RIMS2: variants seen among roughly 807,000 people sequenced by gnomAD.
RIMS2 encodes regulating synaptic membrane exocytosis protein 2.
RIMS2 carries 59 observed loss-of-function variants against 174.4 expected under a neutral mutation model. The observed-to-expected ratio is 0.34, with a 90% CI of 0.27 to 0.42. The LOEUF is 0.42. RIMS2 is among the 10% of genes least tolerant of loss of function. The pLI, the probability that RIMS2 is intolerant of heterozygous loss-of-function variation, is 1.00. For missense variants in RIMS2, 1,620 were observed against 1,666.3 expected (o/e 0.97, Z 0.48); for synonymous variants, 606 against 572.5 (o/e 1.06, Z -0.84).
intron 4 of RIMS2, among the ~76,000 whole-genome samples, chr8:103,900,908 A>T (rs2099324717): frequency 6.6e-6 from 1 of 152,076 alleles, no homozygotes. Context: ...CTGATTATCC[A>T]TAATTTTTGT....
At chr8:103,929,582 AAATG>A (rs1247442239) in intron 11 of RIMS2, among the ~76,000 whole-genome samples, 5 of 151,832 alleles carry the variant, frequency 3.3e-5, no homozygotes, top group African/African-American at 1.2e-4. Context: ...GTCTCAGAAA[AAATG>A]AAGCCATAAA....
At chr8:103,900,127 G>A (rs891891010) in intron 4 of RIMS2, among the ~76,000 whole-genome samples, 11 of 151,692 alleles carry the variant, frequency 7.3e-5, no homozygotes, top group Non-Finnish European at 1.3e-4. Flanking sequence ...CTGTATCCTT[G>A]TAGTATAGTT....
In RIMS2 at chr8:103,634,214, T is replaced by G. The variant is rs2096016881; in HGVS notation, c.177-62872T>G. On this transcript the variant is annotated intron_variant, in intron 1 of 23. Coordinates refer to ENST00000504942, the Ensembl canonical transcript of RIMS2. ...GTTTTGTCCCAAAGACTCTGGTAAG[T>G]TGTATCTTTGTTTTCATTATTTTCA... Among the ~76,000 whole-genome samples the G allele has an allele frequency of 2.0e-5, 3 of 152,244 alleles. No individual in the cohort carries two copies. In the South Asian group the frequency reaches 6.2e-4, roughly 32 times the overall value.
intron 2 of RIMS2, among the ~76,000 whole-genome samples, chr8:103,736,443 T>C (rs896303233): frequency 6.6e-6 from 1 of 152,186 alleles, no homozygotes; most frequent in African/African-American, 2.4e-5. Context: ...TCTGCATGTT[T>C]TGAATCTATT....
intron 15 of RIMS2, among the ~76,000 whole-genome samples, chr8:103,967,851 C>CCTTTTTTT (rs1299977306): frequency 4.6e-5 from 5 of 109,556 alleles, no homozygotes; most frequent in Non-Finnish European, 5.5e-5. Context: ...CCTACTCCTG[C>CCTTTTTTT]TTTTTTTTTT....
intron 4 of RIMS2, among the ~76,000 whole-genome samples, chr8:103,887,897 TTAGG>T (rs2099214914): frequency 6.6e-6 from 1 of 151,600 alleles, no homozygotes; most frequent in African/African-American, 2.4e-5. Flanking sequence ...ATGTTCCTAA[TTAGG>T]AAGGCTAAGT....
intron 17 of RIMS2, among the ~76,000 whole-genome samples, chr8:104,011,456 G>GT (rs1358162100): frequency 2.0e-5 from 3 of 151,956 alleles, no homozygotes; most frequent in African/African-American, 7.2e-5. Flanking sequence ...GACATTTTTT[G>GT]TAAGAGCTAC....
At chr8:103,971,571 G>GT (rs887127417) in intron 15 of RIMS2, among the ~76,000 whole-genome samples, 2,504 of 145,254 alleles carry the variant, frequency 0.017, 70 homozygotes, top group African/African-American at 0.051. Flanking sequence ...TAGTAGCATA[G>GT]TTTTTTTTTT....
chr8:103,525,261 A>G (rs1833423441), intron 1 of RIMS2, among the ~76,000 whole-genome samples: 1 of 152,210 alleles, frequency 6.6e-6, no homozygotes, highest in African/African-American at 2.4e-5. Flanking sequence ...TTGAGGTATC[A>G]AGGTATTTTT....
At position 103,854,320 on chromosome 8, in the gene RIMS2, C is replaced by T. The variant is rs576112802; in HGVS notation, c.699-30978C>T. Among the ~76,000 whole-genome samples, 6 of 152,024 alleles carry T rather than the reference C, an allele frequency of 3.9e-5. 1 individual carries two copies. Among genetic ancestry groups the T allele is most frequent in the African/African-American group, 1.4e-4 (6 of 41,488 alleles). On this transcript the variant is annotated intron_variant, in intron 3 of 23. Coordinates refer to ENST00000504942, the Ensembl canonical transcript of RIMS2. ...ATCATCAGTGAGAGAGATAGATTGACTTCTTCTTTTCCTATTTGGATATCT... is the reference window on the plus strand; with the variant it reads ...ATCATCAGTGAGAGAGATAGATTGATTTCTTCTTTTCCTATTTGGATATCT...
At chr8:103,866,412 C>T (rs1048980504) in intron 3 of RIMS2, among the ~76,000 whole-genome samples, 1 of 152,136 alleles carries the variant, frequency 6.6e-6, no homozygotes, top group Non-Finnish European at 1.5e-5. Flanking sequence ...TCAAGGTCTT[C>T]AGAATAAATC....
At chr8:103,703,457 C>T (rs1490398510) in intron 2 of RIMS2, among the ~76,000 whole-genome samples, 6 of 151,902 alleles carry the variant, frequency 3.9e-5, no homozygotes, top group Non-Finnish European at 7.4e-5. Flanking sequence ...AGGCTGGTCT[C>T]GAACTCCTGA....
intron 19 of RIMS2, among the ~76,000 whole-genome samples, chr8:104,061,499 C>G (rs1317731567): frequency 4.0e-5 from 6 of 151,738 alleles, no homozygotes; most frequent in South Asian, 2.1e-4. Context: ...TGTATTAACC[C>G]AAATAAGAAA....
intron 2 of RIMS2, among the ~76,000 whole-genome samples, chr8:103,759,068 C>A (rs2098072796): frequency 6.6e-6 from 1 of 152,028 alleles, no homozygotes; most frequent in Admixed American, 6.5e-5. Flanking sequence ...ACAGGTGAGG[C>A]CAGTAGATGA....
chr8:103,532,624 A>G (rs1350583399), intron 1 of RIMS2, among the ~76,000 whole-genome samples: 1 of 152,228 alleles, frequency 6.6e-6, no homozygotes, highest in Non-Finnish European at 1.5e-5. Context: ...CTGCTTTTGC[A>G]CTACACTGGC....
intron 3 of RIMS2, among the ~76,000 whole-genome samples, chr8:103,770,286 C>T (rs1216195210): frequency 6.6e-6 from 1 of 152,092 alleles, no homozygotes; most frequent in African/African-American, 2.4e-5. Flanking sequence ...CTCAAAACTG[C>T]AAATATAGTC....
intron 3 of RIMS2, among the ~76,000 whole-genome samples, chr8:103,829,086 GTTT>G (rs34072454): frequency 3.1e-4 from 42 of 134,622 alleles, no homozygotes; most frequent in Non-Finnish European, 3.6e-4. Context: ...TTAATAATAG[GTTT>G]TTTTTTTTTT....
intron 13 of RIMS2, among the ~76,000 whole-genome samples, chr8:103,937,636 G>A (rs1388232771): frequency 1.3e-5 from 2 of 152,182 alleles, no homozygotes; most frequent in African/African-American, 2.4e-5. Context: ...GTCAAAGGAA[G>A]TCTTCACAAA....
intron 19 of RIMS2, among the ~76,000 whole-genome samples, chr8:104,231,334 T>C (rs1290435653): frequency 6.6e-6 from 1 of 151,672 alleles, no homozygotes; most frequent in Non-Finnish European, 1.5e-5. Context: ...GACATTCAAG[T>C]TCTTTAACAA....
Sources: allele counts gnomAD v4.1 joint callset (sites outside exome capture counted in the v4.1 genomes callset), GRCh38; gene constraint gnomAD v4.1.1; transcripts MANE v1.5; gene names NCBI Gene and HGNC (gene_info 2026-07-23, HGNC 2026-07-21).